Variants in TFAP2D observed in about 807,000 individuals in gnomAD.
TFAP2D encodes the protein transcription factor AP-2 delta.
Under a neutral mutation model 43.6 loss-of-function variants are expected in TFAP2D, and 9 were observed. That is an observed-to-expected ratio of 0.21 (90% CI 0.12 to 0.36). TFAP2D has a LOEUF of 0.36. Among genes scored for constraint, TFAP2D ranks in the 10% least tolerant of loss-of-function variants. The pLI is 1.00. For synonymous variants in TFAP2D, 256 were observed against 224.9 expected (o/e 1.14, Z -1.24); for missense variants, 513 against 561.4 (o/e 0.91, Z 0.87).
At chr6:50,751,857 T>C (rs1475006432) in intron 7 of TFAP2D, among the ~76,000 whole-genome samples, 1 of 151,970 alleles carries the variant, frequency 6.6e-6, no homozygotes, top group Non-Finnish European at 1.5e-5. Context: ...AGAATAACAA[T>C]GCATGAAGCA....
chr6:50,713,675 T>C lies in TFAP2D; in HGVS notation c.-381T>C, dbSNP rs924324553. ...CCTCCAGTTCCTTATTAGGCGAAGA[T>C]ACAATATTTATTCCTTGTCTCCTGG... On this transcript the variant is annotated 5_prime_UTR_variant, in exon 1 of 8. Transcript: ENST00000008391. 6.6e-6 allele frequency among the ~76,000 whole-genome samples: 1 copy of C among 152,192 alleles called. No individual in the cohort carries two copies. The highest frequency in any genetic ancestry group is 1.5e-5 in the Non-Finnish European group (1 of 68,028).
rs1437470430 is a variant in TFAP2D, at chr6:50,747,246, C to T, written c.1025+1998C>T. On this transcript the variant is annotated intron_variant, in intron 6 of 7. Coordinates refer to ENST00000008391, the MANE Select transcript of TFAP2D (RefSeq NM_172238.4). The stretch of plus-strand genomic sequence containing the variant: ...GTTTCTCCAAAAGGAGCTGAAAGCA[C>T]ATATAGTTAGTTTGAATCCTTTGCA... Among the ~76,000 whole-genome samples the T allele has an allele frequency of 2.6e-5, 4 of 152,120 alleles. No homozygotes were observed. The East Asian group carries it at 5.8e-4, about 22-fold the overall frequency.
chr6:50,751,874 A>G (rs189454456), intron 7 of TFAP2D, among the ~76,000 whole-genome samples: 165 of 152,152 alleles, frequency 1.1e-3, no homozygotes, highest in Admixed American at 1.7e-3. Flanking sequence ...AGCATTTTAG[A>G]TTGGAAAATT....
chr6:50,741,750 T>C (rs1048108581), intron 5 of TFAP2D, among the ~76,000 whole-genome samples: 1 of 149,594 alleles, frequency 6.7e-6, no homozygotes, highest in Admixed American at 6.7e-5. Flanking sequence ...AATAAAGGGA[T>C]AGCTTAAAGT....
At chr6:50,718,755 A>G (rs1768667030) in intron 2 of TFAP2D, among the ~76,000 whole-genome samples, 1 of 152,218 alleles carries the variant, frequency 6.6e-6, no homozygotes, top group African/African-American at 2.4e-5. Flanking sequence ...TGCTGAGTGT[A>G]CACTGTCTGT....
intron 1 of TFAP2D, 118 bp downstream of exon 1, chr6:50,714,212 T>C: frequency 2.8e-6 from 3 of 1,053,226 alleles, no homozygotes; most frequent in Non-Finnish European, 4.1e-6. Context: ...TATTGGACCG[T>C]TACGTTTAAT....
At chr6:50,749,105 T>C (rs1296655067) in intron 6 of TFAP2D, among the ~76,000 whole-genome samples, 1 of 151,708 alleles carries the variant, frequency 6.6e-6, no homozygotes, top group Non-Finnish European at 1.5e-5. Flanking sequence ...ATCTACAGGA[T>C]TGTCATCTGT....
intron 5 of TFAP2D, among the ~76,000 whole-genome samples, chr6:50,735,779 C>A (rs1299910621): frequency 6.6e-6 from 1 of 152,058 alleles, no homozygotes; most frequent in Non-Finnish European, 1.5e-5. Context: ...GGGAAAACAA[C>A]CGATTTGTCA....
chr6:50,748,246 A>G (rs765984943), intron 6 of TFAP2D, among the ~76,000 whole-genome samples: 5 of 151,940 alleles, frequency 3.3e-5, no homozygotes, highest in Admixed American at 1.3e-4. Context: ...ATGTGTTCTG[A>G]GAAGTTTCTA....
chr6:50,742,388 C>T (rs952324212), intron 5 of TFAP2D, among the ~76,000 whole-genome samples: 8 of 152,038 alleles, frequency 5.3e-5, no homozygotes, highest in East Asian at 1.9e-4. Flanking sequence ...AACTGCCACA[C>T]GGTGAGAGCT....
chr6:50,733,707 G>T (rs546032971), intron 5 of TFAP2D, among the ~76,000 whole-genome samples: 3 of 152,192 alleles, frequency 2.0e-5, no homozygotes, highest in East Asian at 3.9e-4. Context: ...AATACAAGGA[G>T]TCAATGACCT....
chr6:50,728,728 G>A (rs1768842097), intron 3 of TFAP2D, 128 bp from the exon 4 acceptor site: 1 of 834,142 alleles, frequency 1.2e-6, no homozygotes. Flanking sequence ...CGATGATCTG[G>A]GGGATATATA....
intron 5 of TFAP2D, among the ~76,000 whole-genome samples, chr6:50,742,624 AGATAGAT>A (rs1769065377): frequency 7.3e-6 from 1 of 137,020 alleles, no homozygotes; most frequent in Non-Finnish European, 1.6e-5. Flanking sequence ...ATAGATAGAT[AGATAGAT>A]GATAGATAGA....
At chr6:50,716,251 A>G (rs1341460704) in intron 2 of TFAP2D, among the ~76,000 whole-genome samples, 1 of 152,192 alleles carries the variant, frequency 6.6e-6, no homozygotes, top group Non-Finnish European at 1.5e-5. Context: ...TAATCCGCAC[A>G]GTGCACTTTG....
intron 7 of TFAP2D, among the ~76,000 whole-genome samples, chr6:50,769,181 A>G (rs1157666126): frequency 6.6e-6 from 1 of 152,188 alleles, no homozygotes; most frequent in Non-Finnish European, 1.5e-5. Context: ...GGCATGAGCC[A>G]CTGCGCCCAG....
At position 50,772,917 on chromosome 6, in the gene TFAP2D, AATAT is replaced by A; in HGVS notation, c.*60_*63del. ...GAGTCTTGCTGCTGATATTTTTTCT[AATAT>A]ATATATCATTGAGGGTGACTAATCT... On this transcript the variant is annotated 3_prime_UTR_variant, in exon 8 of 8. Coordinates refer to ENST00000008391, the MANE Select transcript of TFAP2D (RefSeq NM_172238.4). 6.7e-7 allele frequency: 1 copy of A among 1,501,354 alleles called. No individual in the cohort carries two copies. Among genetic ancestry groups the A allele is most frequent in the Non-Finnish European group, 9.1e-7 (1 of 1,103,858 alleles). The allele number at this position is 1,501,354 out of a possible 1,614,324, so 93.0% of individuals were successfully genotyped here. A position where few individuals can be genotyped will look rare whatever the true frequency, so the allele number is the denominator to read the frequency against.
At position 50,745,251 on chromosome 6, in the gene TFAP2D, A is replaced by T; in HGVS notation, c.1025+3A>T. The T allele has an allele frequency of 6.2e-7, 1 of 1,613,448 alleles. No individual in the cohort carries two copies. Among genetic ancestry groups the T allele is most frequent in the South Asian group, 1.1e-5 (1 of 91,048 alleles). The stretch of plus-strand genomic sequence containing the variant: ...AAAAAGATGATCCTGGCGACCAAGT[A>T]AGCAGAATGGGGAAACCTCTGTGTG... On this transcript the variant is annotated splice_donor_region_variant and intron_variant, in intron 6 of 7. Transcript: ENST00000008391.
intron 5 of TFAP2D, among the ~76,000 whole-genome samples, chr6:50,737,230 C>T (rs1436206861): frequency 6.6e-6 from 1 of 152,104 alleles, no homozygotes; most frequent in Non-Finnish European, 1.5e-5. Context: ...CCTTGGCCTC[C>T]CAAAGGCTAG....
chr6:50,723,847 ACC>A (rs1393787739), intron 3 of TFAP2D, among the ~76,000 whole-genome samples: 7 of 151,880 alleles, frequency 4.6e-5, no homozygotes, highest in African/African-American at 1.7e-4. Context: ...CCATACACAC[ACC>A]CTAATATACA....
Sources: allele counts gnomAD v4.1 joint callset (sites outside exome capture counted in the v4.1 genomes callset), GRCh38; gene constraint gnomAD v4.1.1; transcripts MANE v1.5; gene names NCBI Gene and HGNC (gene_info 2026-07-23, HGNC 2026-07-21).